The following SBK1 variants were observed in gnomAD, a reference collection of about 807,000 sequenced individuals.
SBK1 encodes serine/threonine-protein kinase SBK1.
In SBK1, 11 loss-of-function variants were observed where a neutral mutation model predicts 24.4. The observed-to-expected ratio is 0.45, with a 90% CI of 0.28 to 0.75. The LOEUF (loss-of-function observed/expected upper bound fraction) is 0.75, where lower values mean the gene tolerates loss of function less well. Among genes scored for constraint, SBK1 ranks in the 30% least tolerant of loss-of-function variants. The pLI is 0.12. For missense variants in SBK1, 467 were observed against 620.5 expected, an observed-to-expected ratio of 0.75 and a Z score of 2.63; for synonymous variants, 308 against 284.4, an observed-to-expected ratio of 1.08 and a Z score of -0.83.
intron 1 of SBK1, among the ~76,000 whole-genome samples, chr16:28,314,169 T>A (rs1302600291): frequency 1.5e-5 from 2 of 130,382 alleles, no homozygotes; most frequent in Admixed American, 7.7e-5. Flanking sequence ...TTATTATTAT[T>A]ATATTTAGAT....
At chr16:28,311,159 A>G (rs1383433862) in intron 1 of SBK1, among the ~76,000 whole-genome samples, 1 of 152,172 alleles carries the variant, frequency 6.6e-6, no homozygotes, top group Admixed American at 6.6e-5. Context: ...GGGATGCAGG[A>G]GAGGGGTGAA....
chr16:28,308,740 GGT>G (rs763015809), intron 1 of SBK1, among the ~76,000 whole-genome samples: 8,776 of 130,428 alleles, frequency 0.067, 267 homozygotes, highest in Middle Eastern at 0.083. Flanking sequence ...CGTTCTTTGG[GGT>G]GTGTGTGTGT....
At chr16:28,265,993 C>T (rs1417705069) in intron 1 of SBK1, among the ~76,000 whole-genome samples, 4 of 151,170 alleles carry the variant, frequency 2.6e-5, no homozygotes, top group Admixed American at 6.6e-5. Flanking sequence ...AAACATGAAG[C>T]AGTGGAAACA....
Position 28,320,829 on chromosome 16 carries a change from G to C in SBK1, c.1183G>C (p.Ala395Pro), listed in dbSNP as rs1395369916. 24 of 1,462,270 alleles carry C rather than the reference G, an allele frequency of 1.6e-5. No individual in the cohort carries two copies. The highest frequency in any genetic ancestry group is 2.1e-5 in the Non-Finnish European group (23 of 1,107,398). The allele number at this position is 1,462,270 out of a possible 1,614,324, so 90.6% of individuals were successfully genotyped here. Reference sequence around the variant, plus strand: ...GGTGCCTGTGCCCGAGCCCGGCCTAGCTCCCCAGGGGCCCCCCGGCCGGAC... The same window carrying C: ...GGTGCCTGTGCCCGAGCCCGGCCTACCTCCCCAGGGGCCCCCCGGCCGGAC... ...VPVPVPEPGL[A>P]PQGPPGRTDG... Residue 395 changes from alanine to proline, a missense_variant, in exon 4 of 4, where the codon GCT becomes CCT. This residue lies in a region of SBK1 where 166 missense variants were observed against 146.8 expected (regional missense o/e 1.13). Transcript: ENST00000341901. The surrounding 1 kb of genome is among the most constrained non-coding windows in gnomAD (Gnocchi z 8.5).
Position 28,317,268 on chromosome 16 carries a change from T to G in SBK1, c.-7-117T>G, listed in dbSNP as rs2044804011. 15 of 725,546 alleles carry G rather than the reference T, an allele frequency of 2.1e-5. No individual in the cohort carries two copies. The highest frequency in any genetic ancestry group is 3.5e-5 in the Non-Finnish European group (15 of 434,688). 44.9% of individuals were successfully genotyped at this position (725,546 alleles called of 1,614,324 possible). A position where few individuals can be genotyped will look rare whatever the true frequency, so the allele number is the denominator to read the frequency against. On this transcript the variant is annotated intron_variant, in intron 1 of 3. Coordinates refer to ENST00000341901, the MANE Select transcript of SBK1 (RefSeq NM_001024401.3). The surrounding 1 kb of genome is among the most constrained non-coding windows in gnomAD (Gnocchi z 4.2). ...GCTTGTCGCCCCCTTGTGGTTATCT[T>G]GGGCCTGGCATCCGGGCCCATCCTC...
chr16:28,318,014 A>C (rs1169891254), intron 2 of SBK1, among the ~76,000 whole-genome samples: 1 of 152,092 alleles, frequency 6.6e-6, no homozygotes, highest in African/African-American at 2.4e-5. Context: ...TTCCTCAGGA[A>C]CAGGGTGCCA....
rs1235943868 is a variant in SBK1, at chr16:28,323,342, CA to C, written c.*2427del. 1 of 151,686 alleles carries C rather than the reference CA, an allele frequency of 6.6e-6. No individual in the cohort carries two copies. The highest frequency in any genetic ancestry group is 6.6e-5 in the Admixed American group (1 of 15,168). 9.4% of individuals were successfully genotyped at this position (151,686 alleles called of 1,614,324 possible). ...AGAAGACAAAAAAAAAAAAATCACA[CA>C]AAAAATCTCCCTTGTTGCGATTCTT... On this transcript the variant is annotated 3_prime_UTR_variant, in exon 4 of 4. Transcript: ENST00000341901.
At position 28,259,413 on chromosome 16, in the gene SBK1, C is replaced by T; in HGVS notation, c.168C>T (p.Gly56=). ...AGCTGCCTCCGGCCTGGCCCATGGGCTGCGGAGTCGATGATGTGCCGGCCT... is the reference window on the plus strand; with the variant it reads ...AGCTGCCTCCGGCCTGGCCCATGGGTTGCGGAGTCGATGATGTGCCGGCCT... Residue 56 remains glycine (G), a synonymous_variant, in exon 1 of 4, where the codon GGC becomes GGT. Coordinates refer to the SBK1 transcript ENST00000671413. The surrounding 1 kb of genome is among the most constrained non-coding windows in gnomAD (Gnocchi z 6.0). 1.0e-6 allele frequency: 1 copy of T among 985,278 alleles called. No individual in the cohort carries two copies. Among genetic ancestry groups the T allele is most frequent in the Non-Finnish European group, 1.2e-6 (1 of 829,746 alleles). The allele number at this position is 985,278 out of a possible 1,614,324, so 61.0% of individuals were successfully genotyped here. A position where few individuals can be genotyped will look rare whatever the true frequency, so the allele number is the denominator to read the frequency against.
At chr16:28,276,315 G>C (rs2044493680) in intron 1 of SBK1, among the ~76,000 whole-genome samples, 1 of 152,154 alleles carries the variant, frequency 6.6e-6, no homozygotes, top group Non-Finnish European at 1.5e-5. Flanking sequence ...GCGAATTACA[G>C]TTTCAGAAGC....
intron 1 of SBK1, among the ~76,000 whole-genome samples, chr16:28,312,206 G>A (rs1011938680): frequency 2.6e-5 from 4 of 152,212 alleles, no homozygotes; most frequent in African/African-American, 9.6e-5. Flanking sequence ...GAGCCCCTGG[G>A]GGACAGCCCC....
At position 28,292,534 on chromosome 16, in the gene SBK1, A is replaced by C. The variant is rs1289495190; in HGVS notation, c.-774A>C. 3 of 976,228 alleles carry C rather than the reference A, an allele frequency of 3.1e-6. No individual in the cohort carries two copies. The highest frequency in any genetic ancestry group is 2.4e-6 in the Non-Finnish European group (2 of 826,474). 60.5% of individuals were successfully genotyped at this position (976,228 alleles called of 1,614,324 possible). ...TGGAGGGCGGAGCCGCGATGCCGCGATGGAGCGCAGCCCGGGCGGGCGCCG... is the reference window on the plus strand; with the variant it reads ...TGGAGGGCGGAGCCGCGATGCCGCGCTGGAGCGCAGCCCGGGCGGGCGCCG... On this transcript the variant is annotated 5_prime_UTR_variant, in exon 1 of 4. The change abolishes an upstream ATG in the 5' untranslated region. Coordinates refer to ENST00000341901, the MANE Select transcript of SBK1 (RefSeq NM_001024401.3).
chr16:28,304,812 G>A (rs1344392759), intron 1 of SBK1, among the ~76,000 whole-genome samples: 1 of 152,004 alleles, frequency 6.6e-6, no homozygotes, highest in East Asian at 1.9e-4. Context: ...GTTTCACCGT[G>A]TTAGCCAGGA....
In SBK1 at chr16:28,276,027, C is replaced by T. The variant is rs115935927; in HGVS notation, c.257+16525C>T. On this transcript the variant is annotated intron_variant, in intron 1 of 3. Coordinates refer to the SBK1 transcript ENST00000671413. ...TCCCTGTAGCCCCTCAGGGGAAGGGCCCTTCTGCCACTGAAGCGGATGGAA... is the reference window on the plus strand; with the variant it reads ...TCCCTGTAGCCCCTCAGGGGAAGGGTCCTTCTGCCACTGAAGCGGATGGAA... 8.1e-3 allele frequency among the ~76,000 whole-genome samples: 1,229 copies of T among 152,286 alleles called. 18 individuals carry two copies. Among genetic ancestry groups the T allele is most frequent in the African/African-American group, 0.025 (1,053 of 41,558 alleles).
intron 1 of SBK1, among the ~76,000 whole-genome samples, chr16:28,307,213 C>G (rs924591988): frequency 1.3e-5 from 2 of 152,180 alleles, no homozygotes; most frequent in Non-Finnish European, 2.9e-5. Context: ...CTGTCATGTA[C>G]CAAGCGCCTC....
chr16:28,296,388 C>T (rs575272706), intron 1 of SBK1, among the ~76,000 whole-genome samples: 5 of 152,010 alleles, frequency 3.3e-5, no homozygotes, highest in Non-Finnish European at 5.9e-5. Context: ...CCACCACACC[C>T]GGCCACACCC....
At chr16:28,264,584 A>G (rs1028790964) in intron 1 of SBK1, among the ~76,000 whole-genome samples, 1 of 152,126 alleles carries the variant, frequency 6.6e-6, no homozygotes, top group Non-Finnish European at 1.5e-5. Flanking sequence ...AAAAAAAAAA[A>G]AAATTCCTGC....
At chr16:28,289,963 G>A (rs568652070), upstream of SBK1, among the ~76,000 whole-genome samples, 117 of 152,030 alleles carry the variant, frequency 7.7e-4, no homozygotes, top group South Asian at 1.7e-3. Flanking sequence ...GTGCACACCT[G>A]TAGTCCTAGT....
intron 1 of SBK1, among the ~76,000 whole-genome samples, chr16:28,293,590 T>G (rs1596546696): frequency 5.8e-5 from 8 of 138,394 alleles, no homozygotes; most frequent in East Asian, 2.2e-4. Flanking sequence ...GGGCGGAGAG[T>G]CCCCCCCCAA....
intron 1 of SBK1, among the ~76,000 whole-genome samples, chr16:28,305,601 G>A (rs998182568): frequency 2.7e-5 from 4 of 149,592 alleles, no homozygotes; most frequent in Admixed American, 1.3e-4. Flanking sequence ...GTGCAATCTT[G>A]GCTTACTGCT....
Sources: gnomAD v4.1 joint callset for allele counts (sites outside exome capture counted in the v4.1 genomes callset) on GRCh38, gnomAD v4.1.1 for gene constraint, gnomAD v4.1.1 regional missense constraint, Gnocchi (gnomAD v3.1) non-coding constraint, MANE v1.5 for transcripts, NCBI Gene and HGNC (gene_info 2026-07-23, HGNC 2026-07-21) for gene names.